The following DUSP10 variants were observed in gnomAD, a reference collection of about 807,000 sequenced individuals.
DUSP10 encodes dual specificity phosphatase 10, also known as dual specificity protein phosphatase 10.
Under a neutral mutation model 30.8 loss-of-function variants are expected in DUSP10, and 14 were observed. That is an observed-to-expected ratio of 0.46 (90% CI 0.30 to 0.71). The LOEUF (loss-of-function observed/expected upper bound fraction) is 0.71. Among genes scored for constraint, DUSP10 ranks in the 30% least tolerant of loss-of-function variants. The probability of loss-of-function intolerance (pLI) is 0.08; values close to 1 mark genes in which losing one functional copy is unlikely to be tolerated. For synonymous variants in DUSP10, 254 were observed against 250.4 expected, an observed-to-expected ratio of 1.01 and a Z score of -0.14; for missense variants, 550 against 619.4, an observed-to-expected ratio of 0.89 and a Z score of 1.19.
chr1:221,729,844 A>G (rs1661531047), intron 2 of DUSP10, among the ~76,000 whole-genome samples: 1 of 152,240 alleles, frequency 6.6e-6, no homozygotes, highest in East Asian at 1.9e-4. Context: ...ATAAAAATAG[A>G]AATTAAAAGA....
chr1:221,739,001 G>A lies in DUSP10; in HGVS notation c.744C>T (p.Pro248=), dbSNP rs937307838. Residue 248 remains proline, a synonymous_variant, in exon 2 of 4, where the codon CCC becomes CCT. Coordinates refer to ENST00000366899, the MANE Select transcript of DUSP10 (RefSeq NM_007207.6). Reference sequence around the variant, plus strand: ...CGAGGACTATGTGAAGTGGCTGGGAGGGCATCACTCGGCTTGGTTCATTGG... The same window carrying A: ...CGAGGACTATGTGAAGTGGCTGGGAAGGCATCACTCGGCTTGGTTCATTGG... ...ENTNEPSRVM[P]SQPLHIVLES... is the part of the protein sequence containing the mutation. The A allele has an allele frequency of 1.2e-6, 2 of 1,614,128 alleles. No homozygotes were observed. The highest frequency in any genetic ancestry group is 2.2e-5 in the South Asian group (2 of 91,074).
At chr1:221,734,239 T>C (rs1661699850) in intron 2 of DUSP10, among the ~76,000 whole-genome samples, 1 of 152,260 alleles carries the variant, frequency 6.6e-6, no homozygotes, top group Non-Finnish European at 1.5e-5. Context: ...AGAATTATTA[T>C]CATGTTTTTA....
intron 2 of DUSP10, among the ~76,000 whole-genome samples, chr1:221,708,369 C>T (rs565793437): frequency 1.3e-4 from 20 of 152,322 alleles, no homozygotes; most frequent in Non-Finnish European, 2.6e-4. Flanking sequence ...GACCGAGTCT[C>T]ATGACTTTTC....
intron 2 of DUSP10, among the ~76,000 whole-genome samples, chr1:221,708,865 T>C (rs886940979): frequency 6.6e-6 from 1 of 152,108 alleles, no homozygotes; most frequent in Non-Finnish European, 1.5e-5. Context: ...AAAAAGGCAG[T>C]TGTTACATTT....
chr1:221,736,214 G>C lies in DUSP10; in HGVS notation c.811+2720C>G, dbSNP rs149575633. Among the ~76,000 whole-genome samples the C allele has an allele frequency of 1.5e-4, 23 of 152,254 alleles. No homozygotes were observed. In the East Asian group the frequency reaches 4.4e-3, roughly 29 times the overall value. ...CACCAAAAATGGAGAGTATGGCATG[G>C]AGACAGGGGGACAAGGATCTTGGAC... On this transcript the variant is annotated intron_variant, in intron 2 of 3. Transcript: ENST00000366899.
intron 2 of DUSP10, among the ~76,000 whole-genome samples, chr1:221,722,313 T>G (rs939396629): frequency 2.0e-5 from 3 of 152,196 alleles, no homozygotes; most frequent in African/African-American, 7.2e-5. Flanking sequence ...GTGTGAGAAG[T>G]GAATGCCTCA....
chr1:221,714,506 G>T (rs926445367), intron 2 of DUSP10, among the ~76,000 whole-genome samples: 6 of 152,142 alleles, frequency 3.9e-5, no homozygotes, highest in African/African-American at 1.4e-4. Flanking sequence ...ATGGCGCCAG[G>T]CAAGGGGAGA....
At chr1:221,723,265 T>C (rs189486830) in intron 2 of DUSP10, among the ~76,000 whole-genome samples, 3 of 152,170 alleles carry the variant, frequency 2.0e-5, no homozygotes, top group Non-Finnish European at 4.4e-5. Context: ...TGCTCAAAGA[T>C]TGAGTCATTT....
chr1:221,733,838 T>G (rs913746999), intron 2 of DUSP10, among the ~76,000 whole-genome samples: 3 of 152,178 alleles, frequency 2.0e-5, no homozygotes, highest in Non-Finnish European at 4.4e-5. Flanking sequence ...GAGCACATCG[T>G]GAATGAGGAA....
chr1:221,702,722 G>C lies in DUSP10; in HGVS notation c.1184-45C>G, dbSNP rs1558114322. 1 of 1,585,132 alleles carries C rather than the reference G, an allele frequency of 6.3e-7. No homozygotes were observed. The highest frequency in any genetic ancestry group is 8.6e-7 in the Non-Finnish European group (1 of 1,161,812). On this transcript the variant is annotated intron_variant, in intron 3 of 3. Coordinates refer to ENST00000366899, the MANE Select transcript of DUSP10 (RefSeq NM_007207.6). This position sits in a 1 kb window ranked among gnomAD's most constrained non-coding sequence, Gnocchi z 4.5. ...CAAGAGATGAAGGGAAGATGGAAGA[G>C]AGAGGCACGGAGAGAGAAACTTTCA...
chr1:221,724,260 G>A (rs1290040282), intron 2 of DUSP10, among the ~76,000 whole-genome samples: 1 of 152,130 alleles, frequency 6.6e-6, no homozygotes, highest in Non-Finnish European at 1.5e-5. Context: ...CATCTAAAAA[G>A]TGGGGATAAT....
chr1:221,723,277 C>G (rs995197347), intron 2 of DUSP10, among the ~76,000 whole-genome samples: 16 of 152,186 alleles, frequency 1.1e-4, no homozygotes, highest in African/African-American at 3.9e-4. Flanking sequence ...GAGTCATTTT[C>G]CAAGTCTAGA....
intron 2 of DUSP10, among the ~76,000 whole-genome samples, chr1:221,718,369 A>C (rs1300165879): frequency 2.0e-5 from 3 of 152,090 alleles, no homozygotes; most frequent in Non-Finnish European, 4.4e-5. Context: ...CGTACTGGGG[A>C]GGCTACTCTA....
At chr1:221,736,508 C>G (rs895535722) in intron 2 of DUSP10, among the ~76,000 whole-genome samples, 1 of 152,144 alleles carries the variant, frequency 6.6e-6, no homozygotes, top group Non-Finnish European at 1.5e-5. Flanking sequence ...GAAGCCAGAC[C>G]AGAATGGTCT....
At chr1:221,705,651 G>A (rs150896970) in intron 3 of DUSP10, among the ~76,000 whole-genome samples, 48 of 152,190 alleles carry the variant, frequency 3.2e-4, no homozygotes, top group East Asian at 1.9e-3. Context: ...TAGGGTGACC[G>A]GAAGGCATAG....
Position 221,702,742 on chromosome 1 carries a change from C to T in DUSP10, c.1184-65G>A. ...GAAGAGAGAGGCACGGAGAGAGAAACTTTCATCTCAACTTTGCAATGCCTT... is the reference window on the plus strand; with the variant it reads ...GAAGAGAGAGGCACGGAGAGAGAAATTTTCATCTCAACTTTGCAATGCCTT... On this transcript the variant is annotated intron_variant, in intron 3 of 3. Transcript: ENST00000366899. This position sits in a 1 kb window ranked among gnomAD's most constrained non-coding sequence, Gnocchi z 4.5. 3.2e-6 allele frequency: 5 copies of T among 1,545,354 alleles called. No homozygotes were observed. The highest frequency in any genetic ancestry group is 4.4e-6 in the Non-Finnish European group (5 of 1,133,406).
intron 1 of DUSP10, among the ~76,000 whole-genome samples, chr1:221,740,426 T>G (rs1164434858): frequency 1.3e-5 from 2 of 152,226 alleles, no homozygotes; most frequent in African/African-American, 4.8e-5. Flanking sequence ...TACTAAAACC[T>G]CACATGTTGT....
At position 221,719,351 on chromosome 1, in the gene DUSP10, A is replaced by G. The variant is rs73110842; in HGVS notation, c.812-12885T>C. On this transcript the variant is annotated intron_variant, in intron 2 of 3. Coordinates refer to ENST00000366899, the MANE Select transcript of DUSP10 (RefSeq NM_007207.6). ...GAAAGAAAAGGCATGGGCTTTCCTT[A>G]AACATGGACTCAGCCATGTCCAATG... 3.5e-3 allele frequency among the ~76,000 whole-genome samples: 539 copies of G among 152,300 alleles called. 2 individuals carry two copies. The highest frequency in any genetic ancestry group is 0.012 in the African/African-American group (519 of 41,564).
At chr1:221,710,292 T>A (rs1660898441) in intron 2 of DUSP10, among the ~76,000 whole-genome samples, 1 of 152,212 alleles carries the variant, frequency 6.6e-6, no homozygotes, top group South Asian at 2.1e-4. Flanking sequence ...GTATTGAGGC[T>A]GGACTTCTTG....
Sources: allele counts gnomAD v4.1 joint callset (sites outside exome capture counted in the v4.1 genomes callset), GRCh38; gene constraint gnomAD v4.1.1; non-coding constraint Gnocchi (gnomAD v3.1); transcripts MANE v1.5; gene names NCBI Gene and HGNC (gene_info 2026-07-23, HGNC 2026-07-21).